FILIP1L: variants seen among roughly 807,000 people sequenced by gnomAD.
FILIP1L encodes filamin A-interacting protein 1-like.
Under a neutral mutation model 96.6 loss-of-function variants are expected in FILIP1L, and 55 were observed. The observed-to-expected ratio is 0.57, with a 90% CI of 0.46 to 0.71. The LOEUF (loss-of-function observed/expected upper bound fraction) is 0.71, where lower values mean the gene tolerates loss of function less well. Among genes scored for constraint, FILIP1L ranks in the 30% least tolerant of loss-of-function variants. The probability of loss-of-function intolerance (pLI) is 0.00; values close to 1 mark genes in which losing one functional copy is unlikely to be tolerated. For synonymous variants in FILIP1L, 467 were observed against 473.9 expected (o/e 0.99, Z 0.19); for missense variants, 1,304 against 1,321.2 (o/e 0.99, Z 0.20).
chr3:99,940,621 C>T (rs1047239678), intron 1 of FILIP1L, among the ~76,000 whole-genome samples: 4 of 152,202 alleles, frequency 2.6e-5, no homozygotes, highest in Non-Finnish European at 5.9e-5. Flanking sequence ...GTTCATAGGC[C>T]AACCCCTGTT....
intron 1 of FILIP1L, among the ~76,000 whole-genome samples, chr3:99,987,706 C>T (rs1709386553): frequency 6.6e-6 from 1 of 152,094 alleles, no homozygotes; most frequent in Non-Finnish European, 1.5e-5. Context: ...AGCACAGTCC[C>T]AAGACCTCAG....
At chr3:99,962,189 T>C (rs958390826) in intron 1 of FILIP1L, among the ~76,000 whole-genome samples, 1 of 151,808 alleles carries the variant, frequency 6.6e-6, no homozygotes, top group African/African-American at 2.4e-5. Context: ...TTCAGGGAAG[T>C]GAGGGTGGTT....
intron 4 of FILIP1L, among the ~76,000 whole-genome samples, chr3:99,918,561 CTA>C (rs1170591119): frequency 6.6e-6 from 1 of 152,190 alleles, no homozygotes; most frequent in Non-Finnish European, 1.5e-5. Flanking sequence ...CATTGTCACT[CTA>C]TCTGAATTTT....
chr3:99,982,152 A>G (rs545875103), intron 1 of FILIP1L, among the ~76,000 whole-genome samples: 2 of 152,228 alleles, frequency 1.3e-5, no homozygotes, highest in Non-Finnish European at 2.9e-5. Context: ...TATAAGTGCT[A>G]TATATTTCGG....
At chr3:99,936,257 G>A (rs377684239) in intron 1 of FILIP1L, among the ~76,000 whole-genome samples, 9 of 149,372 alleles carry the variant, frequency 6.0e-5, no homozygotes, top group East Asian at 2.1e-4. Flanking sequence ...GAAAATAATA[G>A]TAATAATGGT....
At chr3:99,970,305 T>C (rs1708775670) in intron 1 of FILIP1L, among the ~76,000 whole-genome samples, 1 of 152,226 alleles carries the variant, frequency 6.6e-6, no homozygotes. Flanking sequence ...TCACTCTGAA[T>C]AGGGAATGCC....
intron 4 of FILIP1L, among the ~76,000 whole-genome samples, chr3:99,877,693 A>T (rs1470066352): frequency 6.6e-6 from 1 of 152,150 alleles, no homozygotes; most frequent in East Asian, 1.9e-4. Flanking sequence ...TGTGAATTGC[A>T]TTGTAATCTT....
At chr3:100,059,325 T>C (rs1000338402) in intron 1 of FILIP1L, among the ~76,000 whole-genome samples, 2 of 152,234 alleles carry the variant, frequency 1.3e-5, no homozygotes, top group African/African-American at 4.8e-5. Context: ...GAGCCTTCCA[T>C]GTGACATCTT....
intron 1 of FILIP1L, among the ~76,000 whole-genome samples, chr3:99,970,039 C>G (rs898356614): frequency 6.6e-6 from 1 of 152,124 alleles, no homozygotes; most frequent in African/African-American, 2.4e-5. Context: ...TAGGCATTGG[C>G]TTAAAATTTG....
At chr3:99,962,121 G>T (rs903319339) in intron 1 of FILIP1L, among the ~76,000 whole-genome samples, 3 of 152,180 alleles carry the variant, frequency 2.0e-5, no homozygotes, top group African/African-American at 7.2e-5. Flanking sequence ...GGAGAGGAAG[G>T]TATTCCAGGA....
At chr3:99,955,446 T>G (rs1576598785) in intron 1 of FILIP1L, among the ~76,000 whole-genome samples, 1 of 152,230 alleles carries the variant, frequency 6.6e-6, no homozygotes, top group Non-Finnish European at 1.5e-5. Flanking sequence ...TGCTTTGTGC[T>G]TGGCTCTGGG....
intron 1 of FILIP1L, chr3:100,010,018 G>A (rs1434585586): frequency 5.9e-6 from 1 of 168,850 alleles, no homozygotes; most frequent in Non-Finnish European, 1.2e-5. Flanking sequence ...TGTTTGTTTT[G>A]GATTGTCCAT....
chr3:100,098,873 A>C (rs1175246185), intron 1 of FILIP1L, among the ~76,000 whole-genome samples: 1 of 152,208 alleles, frequency 6.6e-6, no homozygotes, highest in African/African-American at 2.4e-5. Context: ...ATTCCAGCTG[A>C]TAAGAAATAT....
intron 1 of FILIP1L, among the ~76,000 whole-genome samples, chr3:99,939,274 C>T (rs558108778): frequency 1.1e-4 from 16 of 152,300 alleles, no homozygotes; most frequent in African/African-American, 3.4e-4. Context: ...AAAGTGCTTC[C>T]TTGTTGTGAG....
chr3:100,029,082 C>G (rs1460053326), intron 1 of FILIP1L, among the ~76,000 whole-genome samples: 1 of 151,832 alleles, frequency 6.6e-6, no homozygotes, highest in African/African-American at 2.4e-5. Flanking sequence ...CCCAAGCTAC[C>G]CTGGGAGCTG....
rs1285961284 is a variant in FILIP1L at position 99,873,944 on chromosome 3, T to C, written c.606-22874A>G. Among the ~76,000 whole-genome samples the C allele has an allele frequency of 3.3e-5, 5 of 152,324 alleles. No individual in the cohort carries two copies. In the East Asian group the frequency reaches 9.6e-4, roughly 29 times the overall value. The stretch of plus-strand genomic sequence containing the variant: ...TTGGAAGTGTAGAAATTCACATTCA[T>C]TCTATCAAAAACATTTTCCCATCAT... On this transcript the variant is annotated intron_variant, in intron 4 of 5. Coordinates refer to ENST00000477258, the MANE Select transcript of FILIP1L (RefSeq NM_001387850.1).
At chr3:99,842,150 G>A (rs545031853) in intron 5 of FILIP1L, among the ~76,000 whole-genome samples, 3 of 152,150 alleles carry the variant, frequency 2.0e-5, no homozygotes, top group Admixed American at 6.6e-5. Flanking sequence ...ATACTACTCG[G>A]CCATGAAAAG....
intron 1 of FILIP1L, among the ~76,000 whole-genome samples, chr3:99,990,887 T>C (rs1709490705): frequency 6.6e-6 from 1 of 152,224 alleles, no homozygotes; most frequent in African/African-American, 2.4e-5. Context: ...GACTCCCATC[T>C]ATGCAGAGAG....
intron 1 of FILIP1L, among the ~76,000 whole-genome samples, chr3:100,022,766 G>T (rs2064849518): frequency 6.6e-6 from 1 of 152,130 alleles, no homozygotes. Flanking sequence ...ATTTTCTGCT[G>T]CCCAGTTGTT....
Sources: allele counts gnomAD v4.1 joint callset (sites outside exome capture counted in the v4.1 genomes callset), GRCh38; gene constraint gnomAD v4.1.1; transcripts MANE v1.5; gene names NCBI Gene and HGNC (gene_info 2026-07-23, HGNC 2026-07-21).